SHISA9: variants seen among roughly 807,000 people sequenced by gnomAD.
The protein encoded by SHISA9 is protein shisa-9.
A neutral mutation model predicts 38.0 loss-of-function variants in SHISA9; 13 were observed. That is an observed-to-expected ratio of 0.34 (90% CI 0.22 to 0.54). The LOEUF is 0.54. SHISA9 is among the 20% of genes least tolerant of loss of function. SHISA9 has a pLI of 0.91. For missense variants in SHISA9, 538 were observed against 575.8 expected, an observed-to-expected ratio of 0.93 and a Z score of 0.67; for synonymous variants, 275 against 242.0, an observed-to-expected ratio of 1.14 and a Z score of -1.27.
chr16:13,042,052 A>G (rs1405126502), intron 2 of SHISA9, among the ~76,000 whole-genome samples: 2 of 152,166 alleles, frequency 1.3e-5, no homozygotes, highest in Non-Finnish European at 2.9e-5. Flanking sequence ...TCAGGGGGAT[A>G]TTTAGTGTTC....
chr16:13,467,917 G>T, the SHISA9 span, among the ~76,000 whole-genome samples: 3 of 152,208 alleles, frequency 2.0e-5, no homozygotes, highest in African/African-American at 7.2e-5. Context: ...AATTTCATGT[G>T]TGAGTGCTCC....
chr16:13,197,885 A>G (rs1263118986), intron 2 of SHISA9, among the ~76,000 whole-genome samples: 1 of 152,134 alleles, frequency 6.6e-6, no homozygotes, highest in East Asian at 1.9e-4. Context: ...TGACTGTGGA[A>G]AAGAAATTAT....
intron 2 of SHISA9, among the ~76,000 whole-genome samples, chr16:13,017,658 A>G (rs1156386880): frequency 6.6e-6 from 1 of 152,190 alleles, no homozygotes; most frequent in African/African-American, 2.4e-5. Flanking sequence ...ATCTTTATTC[A>G]GTGTAGGTTA....
chr16:13,179,377 G>T (rs1396198227), intron 2 of SHISA9, among the ~76,000 whole-genome samples: 1 of 152,154 alleles, frequency 6.6e-6, no homozygotes, highest in Non-Finnish European at 1.5e-5. Context: ...CTGGCTCTGT[G>T]CTAGTCATAA....
chr16:13,036,326 A>T (rs1408753190), intron 2 of SHISA9, among the ~76,000 whole-genome samples: 1 of 152,274 alleles, frequency 6.6e-6, no homozygotes, highest in African/African-American at 2.4e-5. Flanking sequence ...ATGTAGCAGT[A>T]TAAATCAATT....
At chr16:13,285,835 C>T in the SHISA9 span, among the ~76,000 whole-genome samples, 2 of 152,096 alleles carry the variant, frequency 1.3e-5, no homozygotes, top group South Asian at 4.1e-4. Flanking sequence ...TTTTCTCTTC[C>T]ATCAGAGGAT....
chr16:13,286,740 A>T, the SHISA9 span, among the ~76,000 whole-genome samples: 1 of 152,272 alleles, frequency 6.6e-6, no homozygotes, highest in Non-Finnish European at 1.5e-5. Flanking sequence ...CCATAGATAG[A>T]TTTTCAAGAA....
At chr16:13,511,421 A>G in the SHISA9 span, among the ~76,000 whole-genome samples, 5 of 152,328 alleles carry the variant, frequency 3.3e-5, no homozygotes, top group African/African-American at 4.8e-5. Flanking sequence ...TTTCACACAC[A>G]TATTTTAAAT....
At chr16:13,388,436 T>C in the SHISA9 span, among the ~76,000 whole-genome samples, 3 of 151,844 alleles carry the variant, frequency 2.0e-5, no homozygotes, top group Non-Finnish European at 4.4e-5. Context: ...CTCAGCTTCC[T>C]GAGTAGCTGG....
At chr16:13,006,568 T>C (rs1260689791) in intron 2 of SHISA9, among the ~76,000 whole-genome samples, 4 of 152,248 alleles carry the variant, frequency 2.6e-5, no homozygotes, top group Admixed American at 6.5e-5. Flanking sequence ...TTGTTCATTA[T>C]TGTATTGCCA....
chr16:13,120,436 C>A (rs1018549399), intron 2 of SHISA9, among the ~76,000 whole-genome samples: 1 of 152,162 alleles, frequency 6.6e-6, no homozygotes, highest in African/African-American at 2.4e-5. Flanking sequence ...TGCATGGAAG[C>A]ACCATATTCA....
chr16:13,524,065 T>A, the SHISA9 span, among the ~76,000 whole-genome samples: 1 of 152,128 alleles, frequency 6.6e-6, no homozygotes, highest in South Asian at 2.1e-4. Flanking sequence ...GCCAAGGAAT[T>A]TGACCCCCTC....
chr16:12,902,731 G>T lies in SHISA9; in HGVS notation c.563+104G>T, dbSNP rs879437107. 1.4e-5 allele frequency: 17 copies of T among 1,209,326 alleles called. No homozygotes were observed. In the Middle Eastern group the frequency reaches 1.4e-3, roughly 99 times the overall value. The allele number at this position is 1,209,326 out of a possible 1,614,324, so 74.9% of individuals were successfully genotyped here. A position where few individuals can be genotyped will look rare whatever the true frequency, so the allele number is the denominator to read the frequency against. On this transcript the variant is annotated intron_variant, in intron 1 of 4. Coordinates refer to ENST00000558583, the MANE Select transcript of SHISA9 (RefSeq NM_001145204.3). ...GCGCTCCCCACGGTCCCCGCTCCCC[G>T]CATCCCAGCCTCTCCGCTGGGGGAT...
chr16:13,365,089 TA>T, the SHISA9 span, among the ~76,000 whole-genome samples: 1 of 152,316 alleles, frequency 6.6e-6, no homozygotes, highest in South Asian at 2.1e-4. Flanking sequence ...AGGTATTCAG[TA>T]CCTATACCTA....
At chr16:13,160,840 A>G (rs2050589192) in intron 2 of SHISA9, among the ~76,000 whole-genome samples, 2 of 152,124 alleles carry the variant, frequency 1.3e-5, no homozygotes, top group African/African-American at 4.8e-5. Context: ...GGAGCCTCCT[A>G]ATTCTGCTGC....
the SHISA9 span, among the ~76,000 whole-genome samples, chr16:13,439,437 T>G: frequency 6.6e-6 from 1 of 152,198 alleles, no homozygotes; most frequent in East Asian, 1.9e-4. Context: ...TGGTAATCAT[T>G]TCACAACATA....
intron 2 of SHISA9, among the ~76,000 whole-genome samples, chr16:13,201,493 G>T (rs1272707364): frequency 7.5e-6 from 1 of 134,186 alleles, no homozygotes; most frequent in Admixed American, 7.4e-5. Context: ...GAATCCAAGG[G>T]TGTAGAACCT....
chr16:13,369,260 T>G, the SHISA9 span, among the ~76,000 whole-genome samples: 1 of 152,070 alleles, frequency 6.6e-6, no homozygotes, highest in Non-Finnish European at 1.5e-5. Context: ...AATTTCAGAG[T>G]AGTTGTCAAC....
chr16:13,115,233 A>G (rs388665), intron 2 of SHISA9, among the ~76,000 whole-genome samples: 65,182 of 151,956 alleles, frequency 0.43, 16,339 homozygotes, highest in African/African-American at 0.7. Context: ...ACCTATCAGC[A>G]CTAGAGGAAT....
Sources: gnomAD v4.1 joint callset for allele counts (sites outside exome capture counted in the v4.1 genomes callset) on GRCh38, gnomAD v4.1.1 for gene constraint, MANE v1.5 for transcripts, NCBI Gene and HGNC (gene_info 2026-07-23, HGNC 2026-07-21) for gene names.